Variants in ABCA8 observed in about 807,000 individuals in gnomAD.
ABCA8 encodes ATP binding cassette subfamily A member 8.
ABCA8 carries 177 observed loss-of-function variants against 192.3 expected under a neutral mutation model. The observed-to-expected ratio is 0.92, with a 90% confidence interval of 0.81 to 1.04. The LOEUF is 1.04. Ranked by LOEUF, ABCA8 falls within the 50% of genes least tolerant of loss-of-function variation. The probability of loss-of-function intolerance (pLI) is 0.00; values close to 1 mark genes in which losing one functional copy is unlikely to be tolerated. For missense variants in ABCA8, 1,915 were observed against 1,904.8 expected, an observed-to-expected ratio of 1.01 and a Z score of -0.10; for synonymous variants, 642 against 690.2, an observed-to-expected ratio of 0.93 and a Z score of 1.09.
At position 68,932,336 on chromosome 17, in the gene ABCA8, C is replaced by T. The variant is rs1297685958; in HGVS notation, c.749G>A (p.Arg250Lys). The change falls in exon 7 of 40, where the codon AGG (arginine) becomes AAG (lysine). Residue 250 changes from arginine to lysine, a missense_variant. By Grantham distance (26) the Arg-to-Lys change is conservative. Coordinates refer to ENST00000586539, the MANE Select transcript of ABCA8 (RefSeq NM_001288985.2). ...ASVNVTRERK[R>K]MKALMTMMGL... ...CATCATTGTCATCAAGGCCTTCATCCTTTTCCTCTCTCTTGTGACATTAAC... is the reference window on the plus strand; with the variant it reads ...CATCATTGTCATCAAGGCCTTCATCTTTTTCCTCTCTCTTGTGACATTAAC... 2 of 1,614,084 alleles carry T rather than the reference C, an allele frequency of 1.2e-6. No homozygotes were observed.
At chr17:68,869,822 CAG>C in intron 37 of ABCA8, 43 bp from the exon 38 acceptor site, 7 of 1,286,244 alleles carry the variant, frequency 5.4e-6, no homozygotes, top group Non-Finnish European at 6.7e-6. Flanking sequence ...CCACTTGTGC[CAG>C]ATGTGAACTG....
Position 68,902,752 on chromosome 17 carries a change from G to C in ABCA8, c.2725C>G (p.His909Asp). The change falls in exon 21 of 40, where the codon CAT becomes GAT. Residue 909 changes from histidine to aspartate, a missense_variant. Physicochemically the swap from His to Asp is moderately conservative, Grantham distance 81. Coordinates refer to ENST00000586539, the MANE Select transcript of ABCA8 (RefSeq NM_001288985.2). ...LYFLAPGQQPHDPLTQLLIIN... is the reference protein window; with the variant it reads ...LYFLAPGQQPDDPLTQLLIIN... The stretch of plus-strand genomic sequence containing the variant: ...ATCAGTAGTTGAGTGAGAGGGTCAT[G>C]TGGTTGTTGTCCAGGAGCAAGGAAA... 2 of 1,613,796 alleles carry C rather than the reference G, an allele frequency of 1.2e-6. No individual in the cohort carries two copies. The highest frequency in any genetic ancestry group is 1.7e-6 in the Non-Finnish European group (2 of 1,179,722).
chr17:68,890,123 C>A (rs1220839066), intron 24 of ABCA8, among the ~76,000 whole-genome samples: 1 of 152,158 alleles, frequency 6.6e-6, no homozygotes, highest in Non-Finnish European at 1.5e-5. Flanking sequence ...TTATAAGAAA[C>A]AGCCAAATTA....
intron 30 of ABCA8, among the ~76,000 whole-genome samples, 183 bp from the exon 31 acceptor site, chr17:68,882,163 A>G (rs1405497651): frequency 1.3e-5 from 2 of 151,940 alleles, no homozygotes; most frequent in Non-Finnish European, 2.9e-5. Context: ...GAGAGGAGAG[A>G]CTCATTTTCC....
rs148005297 is a variant in ABCA8 at position 68,873,705 on chromosome 17, C to T, written c.4631+1555G>A. On this transcript the variant is annotated intron_variant, in intron 37 of 39. Transcript: ENST00000586539. ...CAGGTCTTATGTTTATGTCTTTCAT[C>T]CATTTTGAGTTGATTTTTGTGTATG... Among the ~76,000 whole-genome samples, 1,301 of 152,200 alleles carry T rather than the reference C, an allele frequency of 8.5e-3. 20 individuals are homozygous for T. The highest frequency in any genetic ancestry group is 0.029 in the African/African-American group (1,225 of 41,534).
Position 68,924,697 on chromosome 17 carries a change from T to G in ABCA8, c.1442+4A>C. 6.2e-7 allele frequency: 1 copy of G among 1,611,996 alleles called. No homozygotes were observed. Among genetic ancestry groups the G allele is most frequent in the Non-Finnish European group, 8.5e-7 (1 of 1,179,302 alleles). Reference sequence around the variant, plus strand: ...GCCCTGTTCTCCACCTGCAGCCTTATTACCTGATGGCTTCTTTCCCTTGGA... The same window carrying G: ...GCCCTGTTCTCCACCTGCAGCCTTAGTACCTGATGGCTTCTTTCCCTTGGA... On this transcript the variant is annotated splice_donor_region_variant and intron_variant, in intron 11 of 39. Transcript: ENST00000586539.
At chr17:68,918,632 G>T in intron 14 of ABCA8, 86 bp from the exon 15 acceptor site, 1 of 1,332,800 alleles carries the variant, frequency 7.5e-7, no homozygotes, top group Non-Finnish European at 9.8e-7. Flanking sequence ...AAGTGTAAAT[G>T]GTTAAAAGCA....
Position 68,869,680 on chromosome 17 carries a change from T to A in ABCA8, c.4711+20A>T. The A allele has an allele frequency of 6.4e-7, 1 of 1,554,198 alleles. No individual in the cohort carries two copies. The highest frequency in any genetic ancestry group is 1.7e-5 in the Admixed American group (1 of 59,248). Reference sequence around the variant, plus strand: ...AATTATCTTCTTTCCAGGGTCGTACTTCAAAGTCATACTTCTTACCCTTCT... The same window carrying A: ...AATTATCTTCTTTCCAGGGTCGTACATCAAAGTCATACTTCTTACCCTTCT... On this transcript the variant is annotated intron_variant, in intron 38 of 39. Coordinates refer to ENST00000586539, the MANE Select transcript of ABCA8 (RefSeq NM_001288985.2).
intron 22 of ABCA8, 23 bp from the exon 23 acceptor site, chr17:68,894,333 T>C (rs1190599194): frequency 7.6e-6 from 12 of 1,574,134 alleles, no homozygotes; most frequent in Non-Finnish European, 8.6e-6. Context: ...AAGTAGGATA[T>C]AAGTTCTCAA....
Position 68,918,058 on chromosome 17 carries a change from T to C in ABCA8, c.2036A>G (p.Asp679Gly). The C allele has an allele frequency of 1.9e-6, 3 of 1,614,134 alleles. No homozygotes were observed. The highest frequency in any genetic ancestry group is 2.5e-6 in the Non-Finnish European group (3 of 1,180,002). The change falls in exon 16 of 40, where the codon GAC (aspartate) becomes GGC (glycine). Residue 679 changes from aspartate (D) to glycine (G), a missense_variant. Physicochemically the swap from Asp to Gly is moderately conservative, Grantham distance 94 (BLOSUM62 -1). Transcript: ENST00000586539. ...AAACCAGTGATTACCCGCCAGGATG[T>C]CGGCCTCATCCATGAACTGGGTACT... ...LFSTQFMDEA[D>G]ILADRKVFLS...
intron 32 of ABCA8, 140 bp downstream of exon 32, chr17:68,880,980 T>G: frequency 2.9e-6 from 2 of 678,272 alleles, no homozygotes; most frequent in East Asian, 2.7e-5. Flanking sequence ...ATGTGATAAT[T>G]CGTGAATTTA....
At chr17:68,901,116 T>C (rs2066898504) in intron 21 of ABCA8, among the ~76,000 whole-genome samples, 1 of 152,096 alleles carries the variant, frequency 6.6e-6, no homozygotes, top group Non-Finnish European at 1.5e-5. Context: ...GTACATCAGG[T>C]GACTAAAAAT....
rs1274495258 is a variant in ABCA8 at position 68,867,988 on chromosome 17, TTATAA to T, written c.*92_*96del. On this transcript the variant is annotated 3_prime_UTR_variant, in exon 40 of 40. Coordinates refer to ENST00000586539, the MANE Select transcript of ABCA8 (RefSeq NM_001288985.2). ...ACCACACGGAGAACCATTTCTGTACTTATAATATAGTTTCTAAAAATAGAACATTG... is the reference window on the plus strand; with the variant it reads ...ACCACACGGAGAACCATTTCTGTACTTATAGTTTCTAAAAATAGAACATTG... The T allele has an allele frequency of 2.1e-6, 2 of 944,810 alleles. No homozygotes were observed. The highest frequency in any genetic ancestry group is 2.6e-5 in the East Asian group (1 of 37,970). The allele number at this position is 944,810 out of a possible 1,614,324, so 58.5% of individuals were successfully genotyped here.
At chr17:68,955,015 T>C (rs4147944) in intron 1 of ABCA8, among the ~76,000 whole-genome samples, 69,883 of 152,026 alleles carry the variant, frequency 0.46, 16,695 homozygotes, top group East Asian at 0.68. Flanking sequence ...ATGTTTTTAT[T>C]TATCTAATAT....
At chr17:68,924,440 T>G (rs2143651587) in intron 11 of ABCA8, among the ~76,000 whole-genome samples, 1 of 152,174 alleles carries the variant, frequency 6.6e-6, no homozygotes. Context: ...AGTAAAAGAC[T>G]GAATCCGGGC....
intron 23 of ABCA8, among the ~76,000 whole-genome samples, chr17:68,892,592 G>A (rs2066644383): frequency 6.6e-6 from 1 of 152,174 alleles, no homozygotes; most frequent in African/African-American, 2.4e-5. Flanking sequence ...TTGATAGATA[G>A]AAGTCTGAGG....
intron 4 of ABCA8, among the ~76,000 whole-genome samples, chr17:68,938,037 T>C (rs996391567): frequency 1.3e-4 from 20 of 152,164 alleles, no homozygotes; most frequent in African/African-American, 3.9e-4. Context: ...GTTCCTGACA[T>C]TGGGTCTTGT....
Position 68,909,197 on chromosome 17 carries a change from C to A in ABCA8, c.2139-1318G>T, listed in dbSNP as rs1598240851. On this transcript the variant is annotated intron_variant, in intron 17 of 39. Coordinates refer to ENST00000586539, the MANE Select transcript of ABCA8 (RefSeq NM_001288985.2). The stretch of plus-strand genomic sequence containing the variant: ...ATGCAGAAAGTCATTCCTTGAGGAA[C>A]TTGAAGCTTGAAAGGGGAGGTTGTA... 2.0e-5 allele frequency among the ~76,000 whole-genome samples: 3 copies of A among 152,126 alleles called. No individual in the cohort carries two copies. The East Asian group carries it at 5.8e-4, about 29-fold the overall frequency.
chr17:68,946,427 G>T (rs868256754), intron 2 of ABCA8, among the ~76,000 whole-genome samples: 1 of 152,046 alleles, frequency 6.6e-6, no homozygotes. Flanking sequence ...CATTCACAAT[G>T]ACATAAGATT....
Sources: gnomAD v4.1 joint callset for allele counts (sites outside exome capture counted in the v4.1 genomes callset) on GRCh38, gnomAD v4.1.1 for gene constraint, MANE v1.5 for transcripts, NCBI Gene and HGNC (gene_info 2026-07-23, HGNC 2026-07-21) for gene names.